The following NF1 variants were observed in gnomAD, a reference collection of about 807,000 sequenced individuals.
NF1 encodes neurofibromin.
A neutral mutation model predicts 325.7 loss-of-function variants in NF1; 122 were observed. The ratio of observed to expected loss-of-function variants is 0.37; its 90% CI spans 0.32 to 0.44. NF1 has a LOEUF of 0.44. NF1 is among the 20% of genes least tolerant of loss of function. NF1 has a pLI of 1.00. For synonymous variants in NF1, 1,091 were observed against 1,186.0 expected, an observed-to-expected ratio of 0.92 and a Z score of 1.65; for missense variants, 2,140 against 3,415.4, an observed-to-expected ratio of 0.63 and a Z score of 9.31.
intron 24 of NF1, among the ~76,000 whole-genome samples, chr17:31,231,799 G>T (rs1360618042): frequency 2.0e-5 from 3 of 151,986 alleles, no homozygotes; most frequent in Non-Finnish European, 4.4e-5. Flanking sequence ...CTGATACAGA[G>T]GGCCCATTGT....
At chr17:31,370,517 A>C (rs554319012) in intron 57 of NF1, among the ~76,000 whole-genome samples, 27 of 152,230 alleles carry the variant, frequency 1.8e-4, no homozygotes, top group African/African-American at 6.5e-4. Context: ...AAGGCCTTTA[A>C]AATTATTTGA....
chr17:31,313,128 TATA>T (rs1295192516), intron 36 of NF1, among the ~76,000 whole-genome samples: 1 of 152,268 alleles, frequency 6.6e-6, no homozygotes, highest in Non-Finnish European at 1.5e-5. Context: ...ATAAAGCATG[TATA>T]ATAATAATAG....
intron 29 of NF1, among the ~76,000 whole-genome samples, chr17:31,240,790 A>G (rs2151442671): frequency 6.6e-6 from 1 of 152,224 alleles, no homozygotes; most frequent in East Asian, 1.9e-4. Flanking sequence ...GTGATGTGAT[A>G]TCTCATTGTA....
At position 31,195,765 on chromosome 17, in the gene NF1, C is replaced by T. The variant is rs544231282; in HGVS notation, c.889-4657C>T. Among the ~76,000 whole-genome samples, 11 of 152,068 alleles carry T rather than the reference C, an allele frequency of 7.2e-5. No homozygotes were observed. The South Asian group carries it at 2.3e-3, about 32-fold the overall frequency. The stretch of plus-strand genomic sequence containing the variant: ...TGTTGTAGCATGTCAGGATTTCCTT[C>T]CTCTTTAAGGCTGAGTGATATATTC... On this transcript the variant is annotated intron_variant, in intron 8 of 57. Coordinates refer to ENST00000358273, the MANE Select transcript of NF1 (RefSeq NM_001042492.3).
intron 17 of NF1, among the ~76,000 whole-genome samples, chr17:31,226,138 A>T (rs2067008132): frequency 6.6e-6 from 1 of 152,142 alleles, no homozygotes. Flanking sequence ...TCCATGTTAG[A>T]ATCAGTTTAC....
At chr17:31,294,383 A>G (rs1349662631) in intron 36 of NF1, among the ~76,000 whole-genome samples, 1 of 152,232 alleles carries the variant, frequency 6.6e-6, no homozygotes, top group Non-Finnish European at 1.5e-5. Context: ...GCTTTTGTCC[A>G]TTATATAATC....
chr17:31,330,397 A>G lies in NF1; in HGVS notation c.5711A>G (p.Asn1904Ser), dbSNP rs864622647. 1 of 1,613,864 alleles carries G rather than the reference A, an allele frequency of 6.2e-7. No homozygotes were observed. The highest frequency in any genetic ancestry group is 8.5e-7 in the Non-Finnish European group (1 of 1,179,790). Reference protein sequence around the residue: ...ETSGLCIPANNTLFIVSISKT... With the variant: ...ETSGLCIPANSTLFIVSISKT... ...TCAGGTTTATGTATCCCTGCCAACA[A>G]CACCCTCTTTATTGTCTCTATTAGT... The change falls in exon 39 of 58, where the codon AAC becomes AGC. Residue 1904 changes from asparagine (N) to serine (S), a missense_variant. Physicochemically the swap from Asn to Ser is conservative, Grantham distance 46. Around this residue, in one of 10 missense-constraint regions of NF1, gnomAD observed 180 missense variants for 435.1 expected, o/e 0.41. Coordinates refer to ENST00000358273, the MANE Select transcript of NF1 (RefSeq NM_001042492.3).
chr17:31,215,837 A>G (rs905009039), intron 13 of NF1, among the ~76,000 whole-genome samples: 1 of 152,196 alleles, frequency 6.6e-6, no homozygotes, highest in African/African-American at 2.4e-5. Flanking sequence ...TTACTGTAAT[A>G]CAGGGAGTTT....
intron 36 of NF1, among the ~76,000 whole-genome samples, chr17:31,300,383 T>C (rs2068549064): frequency 6.6e-6 from 1 of 152,098 alleles, no homozygotes; most frequent in Admixed American, 6.5e-5. Flanking sequence ...TTATCCCCCC[T>C]TCTAATATAA....
chr17:31,177,464 C>T (rs1424311383), intron 5 of NF1, among the ~76,000 whole-genome samples: 3 of 151,998 alleles, frequency 2.0e-5, no homozygotes, highest in Non-Finnish European at 4.4e-5. Flanking sequence ...CTCTTCTCCT[C>T]CAAAGGATCA....
intron 9 of NF1, 63 bp from the exon 10 acceptor site, chr17:31,200,974 T>G: frequency 1.2e-6 from 2 of 1,606,160 alleles, no homozygotes; most frequent in East Asian, 2.2e-5. Flanking sequence ...TGTTATTACA[T>G]GTTAGTAAAG....
At chr17:31,301,233 TCCCG>T (rs1323431020) in intron 36 of NF1, among the ~76,000 whole-genome samples, 1 of 152,158 alleles carries the variant, frequency 6.6e-6, no homozygotes. Context: ...GAAGGTTTTT[TCCCG>T]CTTCCAGATT....
intron 49 of NF1, among the ~76,000 whole-genome samples, chr17:31,349,940 C>G (rs1428793634): frequency 1.3e-5 from 2 of 152,136 alleles, no homozygotes; most frequent in African/African-American, 4.8e-5. Context: ...TTTTCTCATT[C>G]AGCTTAATAA....
At chr17:31,213,635 A>AT (rs2066768892) in intron 12 of NF1, among the ~76,000 whole-genome samples, 2 of 152,204 alleles carry the variant, frequency 1.3e-5, no homozygotes, top group African/African-American at 4.8e-5. Context: ...ATAATAGGTG[A>AT]TGTTAGCTCT....
chr17:31,202,195 C>G (rs1212790576), intron 11 of NF1, among the ~76,000 whole-genome samples: 2 of 151,982 alleles, frequency 1.3e-5, no homozygotes, highest in African/African-American at 4.8e-5. Flanking sequence ...AATGAACAAC[C>G]CTATTTTGAA....
intron 12 of NF1, 31 bp downstream of exon 12, chr17:31,206,402 C>A: frequency 6.2e-7 from 1 of 1,612,622 alleles, no homozygotes; most frequent in Non-Finnish European, 8.5e-7. Context: ...TGAATCTCAC[C>A]TCCTTTCTAT....
At chr17:31,298,196 TATA>T in intron 36 of NF1, among the ~76,000 whole-genome samples, 1 of 152,158 alleles carries the variant, frequency 6.6e-6, no homozygotes. Context: ...CATGAAATGA[TATA>T]AAAGGAAAAT....
chr17:31,357,416 A>G, intron 54 of NF1, 47 bp downstream of exon 54: 1 of 1,431,988 alleles, frequency 7.0e-7, no homozygotes, highest in East Asian at 2.3e-5. Flanking sequence ...CCTGTCTTTA[A>G]GTTAAATGCT....
At chr17:31,296,597 C>G (rs529664859) in intron 36 of NF1, 2 of 461,856 alleles carry the variant, frequency 4.3e-6, no homozygotes, top group African/African-American at 3.9e-5. Context: ...TCTCCCTCCC[C>G]CCTTTTCTAA....
Sources: allele counts gnomAD v4.1 joint callset (sites outside exome capture counted in the v4.1 genomes callset), GRCh38; gene constraint gnomAD v4.1.1; regional missense constraint gnomAD v4.1.1; transcripts MANE v1.5; gene names NCBI Gene and HGNC (gene_info 2026-07-23, HGNC 2026-07-21).